Variants in DDX3X observed in about 807,000 individuals in gnomAD.
The protein encoded by DDX3X is ATP-dependent RNA helicase DDX3X.
A neutral mutation model predicts 52.7 loss-of-function variants in DDX3X; 4 were observed. The observed-to-expected ratio is 0.08, with a 90% CI of 0.04 to 0.17. The LOEUF (loss-of-function observed/expected upper bound fraction) is 0.17, where lower values mean the gene tolerates loss of function less well. Among genes scored for constraint, DDX3X ranks in the 10% least tolerant of loss-of-function variants. The pLI, the probability that DDX3X is intolerant of heterozygous loss-of-function variation, is 1.00. For synonymous variants in DDX3X, 192 were observed against 178.1 expected, an observed-to-expected ratio of 1.08 and a Z score of -0.62; for missense variants, 222 against 548.6, an observed-to-expected ratio of 0.40 and a Z score of 5.95.
In DDX3X at chrX:41,334,492, C is replaced by T. The variant is rs184347580; in HGVS notation, c.45+195C>T. The T allele has an allele frequency of 0.09, 98,758 of 1,095,773 alleles. 3,371 individuals are homozygous for T. Among genetic ancestry groups the T allele is most frequent in the East Asian group, 0.15 (4,453 of 29,862 alleles). The allele number at this position is 1,095,773 out of a possible 1,213,427, so 90.3% of individuals were successfully genotyped here. On this transcript the variant is annotated intron_variant, in intron 1 of 16. Transcript: ENST00000644876. ...GCTGTCGCCCGGGCCCGGTCTCGGC[C>T]CGCTGTATTGTCCCCGGGACGAGCA...
intron 1 of DDX3X, chrX:41,335,027 A>G (rs1185872769): frequency 1.3e-5 from 1 of 78,299 alleles, no homozygotes; most frequent in Non-Finnish European, 2.3e-5. Context: ...GCGTTTCCGG[A>G]GTGGAAAGTT....
At chrX:41,350,619 G>A (rs992828185), downstream of DDX3X, 1 of 111,294 alleles carries the variant, frequency 9.0e-6, no homozygotes, top group East Asian at 2.8e-4. Flanking sequence ...ATATACTTAG[G>A]GAAGGAATCA....
At chrX:41,343,405 CAAT>C in intron 7 of DDX3X, 54 bp downstream of exon 7, 1 of 1,091,168 alleles carries the variant, frequency 9.2e-7, no homozygotes, top group Non-Finnish European at 1.2e-6. Context: ...AAGGACTAGA[CAAT>C]AAAATATTTT....
At chrX:41,338,963 T>C (rs1384655768) in intron 2 of DDX3X, 73 bp from the exon 3 acceptor site, 3 of 442,210 alleles carry the variant, frequency 6.8e-6, no homozygotes, top group Non-Finnish European at 9.9e-6. Flanking sequence ...AGAACCATTT[T>C]TTAGTAACAG....
intron 1 of DDX3X, chrX:41,334,850 C>G: frequency 2.7e-6 from 2 of 731,296 alleles, no homozygotes; most frequent in Non-Finnish European, 3.4e-6. Flanking sequence ...TGGTGCTGGG[C>G]GGCGCTGTGG....
Position 41,347,399 on chromosome X carries a change from C to T in DDX3X, c.1857C>T (p.Ser619=). 8.3e-7 allele frequency: 1 copy of T among 1,211,393 alleles called. No homozygotes were observed. ...CCAGCTTCAGCAGCAGCCGCGCAAG[C>T]AGCAGCCGCAGTGGCGGAGGTGGCC... ...SSSSFSSSRA[S]SSRSGGGGHG... The change falls in exon 16 of 17, where the codon AGC becomes AGT. Residue 619 remains serine (S), a synonymous_variant. Coordinates refer to ENST00000644876, the MANE Select transcript of DDX3X (RefSeq NM_001356.5).
At chrX:41,333,812 C>G (rs1411141499), upstream of DDX3X, 1 of 130,764 alleles carries the variant, frequency 7.6e-6, no homozygotes, top group Admixed American at 8.7e-5. Flanking sequence ...GCGAAGAGGC[C>G]TAGGTTAACA....
At chrX:41,363,264 A>G (rs1206841659) in intron 5 of DDX3X, among the ~76,000 whole-genome samples, 1 of 110,150 alleles carries the variant, frequency 9.1e-6, no homozygotes, top group East Asian at 2.9e-4. Context: ...GTCTCTACTA[A>G]AAATACAAAA....
At chrX:41,345,363 T>C in intron 11 of DDX3X, 39 bp downstream of exon 11, 4 of 1,200,707 alleles carry the variant, frequency 3.3e-6, no homozygotes, top group Non-Finnish European at 4.5e-6. Context: ...ATTTAGAAAT[T>C]TGTTTATCTC....
chrX:41,361,621 A>C, intron 5 of DDX3X, among the ~76,000 whole-genome samples: 1 of 111,433 alleles, frequency 9.0e-6, no homozygotes, highest in Admixed American at 9.7e-5. Flanking sequence ...TTTAGTCCCT[A>C]GGTTTCCATG....
chrX:41,334,653 G>A, intron 1 of DDX3X: 1 of 1,054,080 alleles, frequency 9.5e-7, no homozygotes, highest in Non-Finnish European at 1.2e-6. Context: ...CAGCGCGGCG[G>A]GACGCGACTG....
At chrX:41,341,673 T>C in intron 4 of DDX3X, 57 bp downstream of exon 4, 1 of 1,076,308 alleles carries the variant, frequency 9.3e-7, no homozygotes, top group Non-Finnish European at 1.3e-6. Flanking sequence ...AATAAGTCGT[T>C]ATCCTGACCA....
rs2063957921 is a variant in DDX3X, at chrX:41,348,845, C to T, written c.*1126C>T. 1 of 112,340 alleles carries T rather than the reference C, an allele frequency of 8.9e-6. No homozygotes were observed. Among genetic ancestry groups the T allele is most frequent in the Non-Finnish European group, 1.9e-5 (1 of 53,222 alleles). The allele number at this position is 112,340 out of a possible 1,213,427, so 9.3% of individuals were successfully genotyped here. On this transcript the variant is annotated 3_prime_UTR_variant, in exon 17 of 17. Coordinates refer to ENST00000644876, the MANE Select transcript of DDX3X (RefSeq NM_001356.5). ...TACTATAGACTTCGTAAAAATGGCT[C>T]CAGAAGAGTAACAAACTGAAATCTT...
chrX:41,359,844 C>T (rs1337285984), intron 5 of DDX3X, among the ~76,000 whole-genome samples: 218 of 107,057 alleles, frequency 2.0e-3, no homozygotes, highest in Middle Eastern at 4.8e-3. Flanking sequence ...TAGCCGGGCG[C>T]GGTGGCGGGT....
chrX:41,351,325 A>G (rs1291736430), downstream of DDX3X: 3 of 112,265 alleles, frequency 2.7e-5, no homozygotes, highest in Non-Finnish European at 5.6e-5. Context: ...AATGTGGTTT[A>G]ATTTTAATTA....
chrX:41,363,482 G>C (rs143205585), intron 5 of DDX3X, among the ~76,000 whole-genome samples: 1 of 107,478 alleles, frequency 9.3e-6, no homozygotes, highest in Non-Finnish European at 1.9e-5. Context: ...ATAGTTGACT[G>C]TCACAAAAAA....
At position 41,343,218 on chromosome X, in the gene DDX3X, C is replaced by T; in HGVS notation, c.546C>T (p.Phe182=). Residue 182 remains phenylalanine, a splice_region_variant and synonymous_variant, in exon 7 of 17, where the codon TTC becomes TTT. Coordinates refer to ENST00000644876, the MANE Select transcript of DDX3X (RefSeq NM_001356.5). ...GNNCPPHIES[F]SDVEMGEIIM... is the part of the protein sequence containing the mutation. ...AACCCCATTGAATTTCTTAACAGTTCAGTGATGTTGAGATGGGAGAAATTA... is the reference window on the plus strand; with the variant it reads ...AACCCCATTGAATTTCTTAACAGTTTAGTGATGTTGAGATGGGAGAAATTA... The T allele has an allele frequency of 2.5e-6, 3 of 1,206,676 alleles. No homozygotes were observed. Among genetic ancestry groups the T allele is most frequent in the Non-Finnish European group, 3.4e-6 (3 of 893,918 alleles).
At chrX:41,342,874 G>A (rs761101284) in intron 6 of DDX3X, 38 bp downstream of exon 6, 1 of 1,069,661 alleles carries the variant, frequency 9.3e-7, no homozygotes, top group Non-Finnish European at 1.3e-6. Flanking sequence ...ACACAGAGAG[G>A]TTAAATGTTT....
chrX:41,345,565 T>C lies in DDX3X; in HGVS notation c.1315+17T>C. On this transcript the variant is annotated intron_variant, in intron 12 of 16. Transcript: ENST00000644876. ...ATGCAACAGGTAACATTATGAATTT[T>C]TTATTTTATTAGACATGGGGGTTTC... 8.5e-7 allele frequency: 1 copy of C among 1,177,437 alleles called. No homozygotes were observed. The highest frequency in any genetic ancestry group is 1.1e-6 in the Non-Finnish European group (1 of 872,015).
Sources: gnomAD v4.1 joint callset for allele counts (sites outside exome capture counted in the v4.1 genomes callset) on GRCh38, gnomAD v4.1.1 for gene constraint, MANE v1.5 for transcripts, NCBI Gene and HGNC (gene_info 2026-07-23, HGNC 2026-07-21) for gene names.